DUSP16: variants seen among roughly 807,000 people sequenced by gnomAD.
The protein encoded by DUSP16 is dual specificity protein phosphatase 16.
Under a neutral mutation model 58.3 loss-of-function variants are expected in DUSP16, and 21 were observed. That is an observed-to-expected ratio of 0.36 (90% confidence interval 0.26 to 0.52). The LOEUF (loss-of-function observed/expected upper bound fraction) is 0.52. DUSP16 is among the 20% of genes least tolerant of loss of function. DUSP16 has a pLI of 0.94. For synonymous variants in DUSP16, 320 were observed against 323.8 expected (o/e 0.99, Z 0.12); for missense variants, 726 against 819.0 (o/e 0.89, Z 1.39).
chr12:12,498,100 T>C (rs1275684242), intron 4 of DUSP16, among the ~76,000 whole-genome samples: 5 of 152,200 alleles, frequency 3.3e-5, no homozygotes, highest in Admixed American at 3.3e-4. Flanking sequence ...TTATAAAATT[T>C]TCATTTTTGG....
chr12:12,493,415 T>G (rs1337989767), intron 4 of DUSP16, among the ~76,000 whole-genome samples: 1 of 152,146 alleles, frequency 6.6e-6, no homozygotes, highest in African/African-American at 2.4e-5. Context: ...AGTAGGAAAT[T>G]CAGGCTATTT....
At chr12:12,532,457 G>A (rs536185351) in intron 1 of DUSP16, among the ~76,000 whole-genome samples, 11 of 152,276 alleles carry the variant, frequency 7.2e-5, no homozygotes, top group African/African-American at 1.9e-4. Context: ...AAACACATAC[G>A]ATGGATATGT....
rs117521203 is a variant in DUSP16, at chr12:12,495,187, T to C, written c.531+5332A>G. Among the ~76,000 whole-genome samples the C allele has an allele frequency of 7.5e-3, 1,104 of 147,534 alleles. 4 individuals carry two copies. The highest frequency in any genetic ancestry group is 0.012 in the Non-Finnish European group (823 of 67,606). ...CTCTTATTTTATCTTGTTGTAAAAA[T>C]TGCTTGTAAATTGTATGGTATATGA... On this transcript the variant is annotated intron_variant, in intron 4 of 6. Transcript: ENST00000298573.
intron 3 of DUSP16, among the ~76,000 whole-genome samples, chr12:12,509,518 T>G (rs11054943): frequency 0.14 from 21,454 of 151,966 alleles, 2,069 homozygotes; most frequent in East Asian, 0.57. Flanking sequence ...GAGCAGCGTA[T>G]CTAGACATGG....
chr12:12,536,477 G>C (rs73063452), intron 1 of DUSP16, among the ~76,000 whole-genome samples: 21,692 of 152,196 alleles, frequency 0.14, 1,646 homozygotes, highest in Middle Eastern at 0.16. Context: ...GGGCACAGTG[G>C]CTCATGCATG....
chr12:12,547,258 G>A (rs1944654357), intron 1 of DUSP16, among the ~76,000 whole-genome samples: 1 of 151,706 alleles, frequency 6.6e-6, no homozygotes, highest in East Asian at 1.9e-4. Context: ...GCAAAACCCC[G>A]TCTCTACCAA....
Position 12,477,731 on chromosome 12 carries a change from T to TGCACGCTGG in DUSP16, c.1091_1099dup (p.Pro364_Val366dup), listed in dbSNP as rs59897494. On this transcript the variant is annotated inframe_insertion, in exon 7 of 7. Coordinates refer to ENST00000298573, the MANE Select transcript of DUSP16 (RefSeq NM_030640.3). This position sits in a 1 kb window ranked among gnomAD's most constrained non-coding sequence, Gnocchi z 4.1. ...CGGGCTGTCCTCTAACAGCGACGGC[T>TGCACGCTGG]GCACGCTGGGCACGCTGGGCACGCT... 1,106 of 1,603,798 alleles carry TGCACGCTGG rather than the reference T, an allele frequency of 6.9e-4. 3 individuals are homozygous for TGCACGCTGG. In the African/African-American group the frequency reaches 0.01, roughly 15 times the overall value.
intron 5 of DUSP16, among the ~76,000 whole-genome samples, chr12:12,482,074 C>T (rs569030012): frequency 6.6e-6 from 1 of 152,250 alleles, no homozygotes; most frequent in East Asian, 1.9e-4. Context: ...TGCTTCAAAT[C>T]CTTACTGGAA....
chr12:12,555,268 A>G (rs1198833768), intron 1 of DUSP16, among the ~76,000 whole-genome samples: 1 of 152,232 alleles, frequency 6.6e-6, no homozygotes, highest in Non-Finnish European at 1.5e-5. Flanking sequence ...TTCTAGAGTG[A>G]GCACATGGCT....
chr12:12,521,610 TA>T, intron 1 of DUSP16, 147 bp from the exon 2 acceptor site: 1 of 225,956 alleles, frequency 4.4e-6, no homozygotes, highest in Non-Finnish European at 7.4e-6. Flanking sequence ...AACAAACAAA[TA>T]AAAAGGACAA....
At chr12:12,559,258 A>G (rs1944858206) in intron 1 of DUSP16, among the ~76,000 whole-genome samples, 1 of 152,206 alleles carries the variant, frequency 6.6e-6, no homozygotes, top group South Asian at 2.1e-4. Flanking sequence ...ATTTTCTTTT[A>G]TGATGGTGAA....
At position 12,477,009 on chromosome 12, in the gene DUSP16, C is replaced by T. The variant is rs759628955; in HGVS notation, c.1822G>A (p.Asp608Asn). The part of the protein sequence containing the change: ...RRRQKPSDRA[D>N]SRRSWHEESP... Reference sequence around the variant, plus strand: ...TCTTCATGCCAGCTCCGCCGCGAGTCAGCTCTGTCACTTGGCTTCTGCCGC... The same window carrying T: ...TCTTCATGCCAGCTCCGCCGCGAGTTAGCTCTGTCACTTGGCTTCTGCCGC... The change falls in exon 7 of 7, where the codon GAC (aspartate) becomes AAC (asparagine). Residue 608 changes from aspartate to asparagine, a missense_variant. Physicochemically the swap from Asp to Asn is conservative, Grantham distance 23. Transcript: ENST00000298573. This position sits in a 1 kb window ranked among gnomAD's most constrained non-coding sequence, Gnocchi z 4.1. The T allele has an allele frequency of 1.1e-4, 177 of 1,614,132 alleles. 3 individuals carry two copies. In the South Asian group the frequency reaches 1.8e-3, roughly 17 times the overall value.
chr12:12,528,123 C>A (rs1944331190), intron 1 of DUSP16, among the ~76,000 whole-genome samples: 1 of 152,130 alleles, frequency 6.6e-6, no homozygotes, highest in Non-Finnish European at 1.5e-5. Flanking sequence ...ACCTGTTTCA[C>A]CCGCTTCCCC....
intron 4 of DUSP16, among the ~76,000 whole-genome samples, chr12:12,488,609 A>G (rs1349588935): frequency 6.6e-6 from 1 of 152,178 alleles, no homozygotes; most frequent in African/African-American, 2.4e-5. Flanking sequence ...TCTTAGTCTA[A>G]GCAATCTTGG....
At chr12:12,533,729 A>T (rs1944425139) in intron 1 of DUSP16, among the ~76,000 whole-genome samples, 2 of 152,234 alleles carry the variant, frequency 1.3e-5, no homozygotes, top group Admixed American at 1.3e-4. Context: ...TTTAAAAGAT[A>T]CTGTGGACTA....
At chr12:12,500,081 C>T (rs1427933516) in intron 4 of DUSP16, among the ~76,000 whole-genome samples, 1 of 152,082 alleles carries the variant, frequency 6.6e-6, no homozygotes, top group Non-Finnish European at 1.5e-5. Flanking sequence ...TCCCCACCCC[C>T]AGCCAGCAGT....
At chr12:12,497,094 A>C (rs1217371149) in intron 4 of DUSP16, among the ~76,000 whole-genome samples, 3 of 152,236 alleles carry the variant, frequency 2.0e-5, no homozygotes, top group African/African-American at 7.2e-5. Flanking sequence ...GACTCAGTAC[A>C]AAAAGAGACT....
At chr12:12,516,104 A>C (rs528878568) in intron 3 of DUSP16, among the ~76,000 whole-genome samples, 1 of 111,706 alleles carries the variant, frequency 9.0e-6, no homozygotes, top group South Asian at 3.0e-4. Context: ...AAAGCATCCA[A>C]ATTTGTTTTT....
At chr12:12,546,456 T>A (rs1376841446) in intron 1 of DUSP16, among the ~76,000 whole-genome samples, 1 of 152,232 alleles carries the variant, frequency 6.6e-6, no homozygotes, top group Non-Finnish European at 1.5e-5. Flanking sequence ...CTGACCATTA[T>A]GGCAACTTTC....
Sources: gnomAD v4.1 joint callset for allele counts (sites outside exome capture counted in the v4.1 genomes callset) on GRCh38, gnomAD v4.1.1 for gene constraint, Gnocchi (gnomAD v3.1) non-coding constraint, MANE v1.5 for transcripts, NCBI Gene and HGNC (gene_info 2026-07-23, HGNC 2026-07-21) for gene names.